Variants in PDE1A observed in about 807,000 individuals in gnomAD.
PDE1A encodes the protein dual specificity calcium/calmodulin-dependent 3',5'-cyclic nucleotide phosphodiesterase 1A.
Under a neutral mutation model 61.7 loss-of-function variants are expected in PDE1A, and 35 were observed. The ratio of observed to expected loss-of-function variants is 0.57; its 90% confidence interval spans 0.43 to 0.75. PDE1A has a LOEUF of 0.75. Ranked by LOEUF, PDE1A falls within the 30% of genes least tolerant of loss-of-function variation. PDE1A has a pLI of 0.00. For synonymous variants in PDE1A, 232 were observed against 213.2 expected, an observed-to-expected ratio of 1.09 and a Z score of -0.77; for missense variants, 597 against 630.6, an observed-to-expected ratio of 0.95 and a Z score of 0.57.
At chr2:182,151,865 T>C (rs1690798927) in intron 13 of PDE1A, among the ~76,000 whole-genome samples, 1 of 152,182 alleles carries the variant, frequency 6.6e-6, no homozygotes. Flanking sequence ...TGCATGTAAG[T>C]GGGAAAATCA....
chr2:182,513,684 T>A (rs1689959321), intron 2 of PDE1A, among the ~76,000 whole-genome samples: 1 of 152,228 alleles, frequency 6.6e-6, no homozygotes, highest in South Asian at 2.1e-4. Context: ...CCAACCTGTA[T>A]GCTGTCTTCA....
chr2:182,221,987 C>T (rs2125600090), intron 7 of PDE1A, among the ~76,000 whole-genome samples: 1 of 152,012 alleles, frequency 6.6e-6, no homozygotes, highest in East Asian at 1.9e-4. Flanking sequence ...TAAACTGTTT[C>T]TATATTCCCC....
rs537403896 is a variant in PDE1A at position 182,448,029 on chromosome 2, G to A, written c.101+74247C>T. ...TGTGATCTTGTTTCACAACCCTGGCGTTACTGCTATTTTCCCACATCCCAG... is the reference window on the plus strand; with the variant it reads ...TGTGATCTTGTTTCACAACCCTGGCATTACTGCTATTTTCCCACATCCCAG... On this transcript the variant is annotated intron_variant, in intron 2 of 14. Transcript: ENST00000410103. 2.0e-4 allele frequency among the ~76,000 whole-genome samples: 31 copies of A among 152,096 alleles called. No homozygotes were observed. The South Asian group carries it at 2.5e-3, about 12-fold the overall frequency.
At chr2:182,425,347 T>C (rs1299780319) in intron 1 of PDE1A, among the ~76,000 whole-genome samples, 1 of 152,162 alleles carries the variant, frequency 6.6e-6, no homozygotes. Context: ...GAAGAACTTT[T>C]TAGGAAATAT....
chr2:182,688,481 G>A, the PDE1A span, among the ~76,000 whole-genome samples: 1 of 152,172 alleles, frequency 6.6e-6, no homozygotes, highest in African/African-American at 2.4e-5. Flanking sequence ...CAAATGCCGA[G>A]AGATTTTGTC....
chr2:182,186,604 T>A lies in PDE1A; in HGVS notation c.1208-16A>T. The A allele has an allele frequency of 6.3e-7, 1 of 1,588,122 alleles. No individual in the cohort carries two copies. ...TCGATGAAACCTACAAAAGCCAAAA[T>A]GAGAAGAGAGAGAGATAAATTCAAG... is the stretch of plus-strand genomic sequence containing the variant. On this transcript the variant is annotated splice_polypyrimidine_tract_variant and intron_variant, in intron 11 of 13. Transcript: ENST00000351439.
intron 1 of PDE1A, among the ~76,000 whole-genome samples, chr2:182,345,181 C>A (rs960305768): frequency 6.6e-6 from 1 of 152,194 alleles, no homozygotes; most frequent in Non-Finnish European, 1.5e-5. Flanking sequence ...ATCACCATCT[C>A]CACTTAGATA....
the PDE1A span, among the ~76,000 whole-genome samples, chr2:182,655,653 T>A: frequency 1.3e-5 from 2 of 152,218 alleles, no homozygotes; most frequent in Non-Finnish European, 2.9e-5. Flanking sequence ...GGCATTTGCC[T>A]GTGTTGAGGT....
the PDE1A span, among the ~76,000 whole-genome samples, chr2:182,624,124 CAA>C: frequency 2.6e-4 from 29 of 109,960 alleles, no homozygotes; most frequent in Admixed American, 1.1e-3. Context: ...GACTCCGTCT[CAA>C]AAAAAAAAAA....
intron 2 of PDE1A, among the ~76,000 whole-genome samples, chr2:182,455,098 T>C (rs144471036): frequency 6.6e-6 from 1 of 150,672 alleles, no homozygotes; most frequent in Non-Finnish European, 1.5e-5. Context: ...TGGGCAAAGG[T>C]TATGAACAGA....
At chr2:182,486,036 T>C (rs1688001037) in intron 2 of PDE1A, among the ~76,000 whole-genome samples, 1 of 151,362 alleles carries the variant, frequency 6.6e-6, no homozygotes, top group Non-Finnish European at 1.5e-5. Context: ...AGACTACAGA[T>C]TCTTTAGGTA....
the PDE1A span, among the ~76,000 whole-genome samples, chr2:182,610,087 C>CAA: frequency 9.6e-3 from 1,226 of 127,258 alleles, 10 homozygotes; most frequent in Non-Finnish European, 0.014. Context: ...GACTCTATCT[C>CAA]AAAAAAAAAA....
intron 2 of PDE1A, among the ~76,000 whole-genome samples, chr2:182,514,429 A>G (rs573424539): frequency 7.2e-5 from 11 of 152,334 alleles, no homozygotes; most frequent in Admixed American, 4.6e-4. Context: ...GCTTCAAACT[A>G]TAGTACAAAG....
the PDE1A span, among the ~76,000 whole-genome samples, chr2:182,579,883 C>G: frequency 6.6e-6 from 1 of 152,134 alleles, no homozygotes; most frequent in African/African-American, 2.4e-5. Flanking sequence ...GAACAACAAA[C>G]AGTGAAAGAA....
chr2:182,225,695 C>T (rs1689087169), intron 6 of PDE1A, among the ~76,000 whole-genome samples: 1 of 139,218 alleles, frequency 7.2e-6, no homozygotes, highest in Admixed American at 6.8e-5. Context: ...GTATGCACTG[C>T]ACCTATCATG....
intron 1 of PDE1A, among the ~76,000 whole-genome samples, chr2:182,415,945 TAAG>T (rs1702890650): frequency 6.6e-6 from 1 of 152,168 alleles, no homozygotes; most frequent in African/African-American, 2.4e-5. Context: ...GCATGCACAC[TAAG>T]TTCTCCTAAC....
At chr2:182,568,525 G>A in the PDE1A span, among the ~76,000 whole-genome samples, 1 of 152,128 alleles carries the variant, frequency 6.6e-6, no homozygotes, top group Non-Finnish European at 1.5e-5. Context: ...AGTTAGCCAG[G>A]CGCAGTGGCG....
the PDE1A span, among the ~76,000 whole-genome samples, chr2:182,546,041 C>T: frequency 6.6e-6 from 1 of 152,190 alleles, no homozygotes; most frequent in African/African-American, 2.4e-5. Context: ...CCTTCATCCC[C>T]TCTGTGGCTG....
chr2:182,498,065 A>G (rs1688829686), intron 2 of PDE1A, among the ~76,000 whole-genome samples: 1 of 149,746 alleles, frequency 6.7e-6, no homozygotes, highest in African/African-American at 2.5e-5. Flanking sequence ...AAAAAAAAAA[A>G]AAAAAAGACT....
Sources: gnomAD v4.1 joint callset for allele counts (sites outside exome capture counted in the v4.1 genomes callset) on GRCh38, gnomAD v4.1.1 for gene constraint, MANE v1.5 for transcripts, NCBI Gene and HGNC (gene_info 2026-07-23, HGNC 2026-07-21) for gene names.